The following ACAN variants were observed in gnomAD, a reference collection of about 807,000 sequenced individuals.
ACAN encodes aggrecan core protein.
ACAN carries 47 observed loss-of-function variants against 169.1 expected under a neutral mutation model. That is an observed-to-expected ratio of 0.28 (90% CI 0.22 to 0.35). The LOEUF (loss-of-function observed/expected upper bound fraction) is 0.35. ACAN is among the 10% of genes least tolerant of loss of function. The probability of loss-of-function intolerance (pLI) is 1.00; values close to 1 mark genes in which losing one functional copy is unlikely to be tolerated. For missense variants in ACAN, 2,716 were observed against 2,759.9 expected (o/e 0.98, Z 0.36); for synonymous variants, 1,115 against 1,112.2 (o/e 1.00, Z -0.05).
chr15:88,808,772 G>A (rs1029845908), intron 1 of ACAN, among the ~76,000 whole-genome samples: 1 of 152,198 alleles, frequency 6.6e-6, no homozygotes, highest in Non-Finnish European at 1.5e-5. Flanking sequence ...GAGACACCCT[G>A]CTGCAGACCT....
chr15:88,841,852 G>A lies in ACAN; in HGVS notation c.742G>A (p.Ala248Thr), dbSNP rs564289325. ...CGAGACCTATGATGTGTACTGCTTC[G>A]CCGAGGAGATGGAGGGTGAGCTGCC... is the stretch of plus-strand genomic sequence containing the variant. ...TNETYDVYCF[A>T]EEMEGEVFYA... is the part of the protein sequence containing the mutation. Residue 248 changes from alanine (A) to threonine (T), a missense_variant, in exon 5 of 19, where the codon GCC (alanine) becomes ACC (threonine). Around this residue, in one of 3 missense-constraint regions of ACAN, gnomAD observed 1,283 missense variants for 1,281.5 expected, o/e 1.00. Coordinates refer to ENST00000560601, the MANE Select transcript of ACAN (RefSeq NM_001369268.1). 8.1e-5 allele frequency: 130 copies of A among 1,610,866 alleles called. No individual in the cohort carries two copies. The highest frequency in any genetic ancestry group is 9.4e-5 in the Non-Finnish European group (111 of 1,178,582).
rs1046869543 is a variant in ACAN at position 88,861,077 on chromosome 15, G to A, written c.6946+638G>A. ...AGAGGCTGGGGACCCTCTGATCTGA[G>A]GTGGACCCCGGAAGGAGATGGTTAG... is the stretch of plus-strand genomic sequence containing the variant. On this transcript the variant is annotated intron_variant, in intron 13 of 18. Coordinates refer to ENST00000560601, the MANE Select transcript of ACAN (RefSeq NM_001369268.1). The surrounding 1 kb of genome is among the most constrained non-coding windows in gnomAD (Gnocchi z 6.3). Among the ~76,000 whole-genome samples the A allele has an allele frequency of 2.0e-5, 3 of 152,160 alleles. No individual in the cohort carries two copies. Among genetic ancestry groups the A allele is most frequent in the African/African-American group, 7.2e-5 (3 of 41,430 alleles).
At chr15:88,810,856 T>C (rs1418221102) in intron 1 of ACAN, among the ~76,000 whole-genome samples, 1 of 152,210 alleles carries the variant, frequency 6.6e-6, no homozygotes, top group Admixed American at 6.5e-5. Flanking sequence ...CATTGTGGTC[T>C]AGTTTGTCAA....
Position 88,843,552 on chromosome 15 carries a change from G to C in ACAN, c.955G>C (p.Gly319Arg). The C allele has an allele frequency of 6.2e-7, 1 of 1,612,640 alleles. No homozygotes were observed. The highest frequency in any genetic ancestry group is 8.5e-7 in the Non-Finnish European group (1 of 1,179,618). ...CATCTCCAAGGCCCGGCCCAACTGC[G>C]GTGGCAACCTCCTGGGCGTGAGGAC... ...YPISKARPNC[G>R]GNLLGVRTVY... Residue 319 changes from glycine (G) to arginine (R), a missense_variant, in exon 6 of 19, where the codon GGT (glycine) becomes CGT (arginine). Gly to Arg is a moderately radical substitution (Grantham distance 125). Around this residue, in one of 3 missense-constraint regions of ACAN, gnomAD observed 1,283 missense variants for 1,281.5 expected, o/e 1.00. Transcript: ENST00000560601. The surrounding 1 kb of genome is among the most constrained non-coding windows in gnomAD (Gnocchi z 4.0).
chr15:88,822,009 C>T (rs1478826938), intron 1 of ACAN, among the ~76,000 whole-genome samples: 2 of 152,224 alleles, frequency 1.3e-5, no homozygotes, highest in Non-Finnish European at 2.9e-5. Flanking sequence ...ATTGCCTTCT[C>T]CCAGAAATAA....
chr15:88,826,374 CT>C (rs59069149), intron 1 of ACAN, among the ~76,000 whole-genome samples: 36,194 of 111,452 alleles, frequency 0.32, 3,926 homozygotes, highest in Middle Eastern at 0.42. Flanking sequence ...CCTTTTTTTT[CT>C]TTTTTTTTTT....
rs1896587360 is a variant in ACAN at position 88,839,178 on chromosome 15, C to T, written c.454+132C>T. The T allele has an allele frequency of 8.8e-7, 1 of 1,140,650 alleles. No homozygotes were observed. Among genetic ancestry groups the T allele is most frequent in the African/African-American group, 1.5e-5 (1 of 64,830 alleles). 70.7% of individuals were successfully genotyped at this position (1,140,650 alleles called of 1,614,324 possible). A position where few individuals can be genotyped will look rare whatever the true frequency, so the allele number is the denominator to read the frequency against. Reference sequence around the variant, plus strand: ...GCACCTCAGCCAAGTTACTTAACTTCAGCTGCTTCCTCTGTGACATGGAGC... The same window carrying T: ...GCACCTCAGCCAAGTTACTTAACTTTAGCTGCTTCCTCTGTGACATGGAGC... On this transcript the variant is annotated intron_variant, in intron 3 of 18. Transcript: ENST00000560601. The surrounding 1 kb of genome is among the most constrained non-coding windows in gnomAD (Gnocchi z 4.5).
At chr15:88,821,579 A>G (rs1212899744) in intron 1 of ACAN, among the ~76,000 whole-genome samples, 1 of 152,216 alleles carries the variant, frequency 6.6e-6, no homozygotes, top group African/African-American at 2.4e-5. Context: ...GACAGAGGAA[A>G]GGAAAGAGGA....
rs1895706121 is a variant in ACAN, at chr15:88,807,281, C to T, written c.-8+3472C>T. ...TAAGTAGAGCAGGGGAGGGGACAGG[C>T]CAGCAGCTGCCCTGGGAAAGGGGAT... On this transcript the variant is annotated intron_variant, in intron 1 of 18. Coordinates refer to ENST00000560601, the MANE Select transcript of ACAN (RefSeq NM_001369268.1). The surrounding 1 kb of genome is among the most constrained non-coding windows in gnomAD (Gnocchi z 4.0). Among the ~76,000 whole-genome samples the T allele has an allele frequency of 6.6e-6, 1 of 152,164 alleles. No homozygotes were observed. The highest frequency in any genetic ancestry group is 2.1e-4 in the South Asian group (1 of 4,818).
chr15:88,862,502 C>G (rs1897214586), intron 13 of ACAN, among the ~76,000 whole-genome samples: 1 of 152,206 alleles, frequency 6.6e-6, no homozygotes, highest in African/African-American at 2.4e-5. Flanking sequence ...GCTTTAGCAT[C>G]TCCAAAGAGT....
At chr15:88,818,728 A>C (rs1896002531) in intron 1 of ACAN, among the ~76,000 whole-genome samples, 1 of 152,174 alleles carries the variant, frequency 6.6e-6, no homozygotes, top group Non-Finnish European at 1.5e-5. Flanking sequence ...AAGATTTTCA[A>C]GGGGAATTTT....
chr15:88,858,288 A>G lies in ACAN; in HGVS notation c.5703A>G (p.Ile1901Met). 4 of 1,613,984 alleles carry G rather than the reference A, an allele frequency of 2.5e-6. No homozygotes were observed. The highest frequency in any genetic ancestry group is 3.4e-6 in the Non-Finnish European group (4 of 1,179,900). The stretch of plus-strand genomic sequence containing the variant: ...AATTCAGTGGCCTACCAAGTGGCAT[A>G]GCTGAGGTCAGTGGAGAATCCTCCA... ...TPEFSGLPSG[I>M]AEVSGESSRA... The change falls in exon 12 of 19, where the codon ATA (isoleucine) becomes ATG (methionine). Residue 1901 changes from isoleucine to methionine, a missense_variant. By Grantham distance (10) the Ile-to-Met change is conservative. This residue lies in a region of ACAN where 1,389 missense variants were observed against 1,363.7 expected (regional missense o/e 1.02). Coordinates refer to ENST00000560601, the MANE Select transcript of ACAN (RefSeq NM_001369268.1). This position sits in a 1 kb window ranked among gnomAD's most constrained non-coding sequence, Gnocchi z 4.0.
intron 1 of ACAN, among the ~76,000 whole-genome samples, chr15:88,833,218 C>T (rs1896409519): frequency 6.6e-6 from 1 of 152,176 alleles, no homozygotes; most frequent in South Asian, 2.1e-4. Flanking sequence ...CACGCATGCT[C>T]ACACAGACAC....
At chr15:88,833,719 A>C (rs1896423725) in intron 1 of ACAN, among the ~76,000 whole-genome samples, 1 of 109,338 alleles carries the variant, frequency 9.1e-6, no homozygotes, top group Non-Finnish European at 1.7e-5. Context: ...CTCCACCCCT[A>C]TCCCCCTACC....
rs1896587632 is a variant in ACAN, at chr15:88,839,184, C to T, written c.454+138C>T. 3 of 1,106,928 alleles carry T rather than the reference C, an allele frequency of 2.7e-6. No homozygotes were observed. Among genetic ancestry groups the T allele is most frequent in the African/African-American group, 3.1e-5 (2 of 64,104 alleles). The allele number at this position is 1,106,928 out of a possible 1,614,324, so 68.6% of individuals were successfully genotyped here. A position where few individuals can be genotyped will look rare whatever the true frequency, so the allele number is the denominator to read the frequency against. On this transcript the variant is annotated intron_variant, in intron 3 of 18. Coordinates refer to ENST00000560601, the MANE Select transcript of ACAN (RefSeq NM_001369268.1). This position sits in a 1 kb window ranked among gnomAD's most constrained non-coding sequence, Gnocchi z 4.5. ...CAGCCAAGTTACTTAACTTCAGCTGCTTCCTCTGTGACATGGAGCTGGTAA... is the reference window on the plus strand; with the variant it reads ...CAGCCAAGTTACTTAACTTCAGCTGTTTCCTCTGTGACATGGAGCTGGTAA...
chr15:88,847,315 T>A lies in ACAN; in HGVS notation c.1502T>A (p.Leu501Gln), dbSNP rs1018758817. ...TTTGAGGAGGCACAGCAGGCCTGCC[T>A]GCGCACGGGGGCGGTCATTGCCTCG... ...LTFEEAQQAC[L>Q]RTGAVIASPE... The change falls in exon 8 of 19, where the codon CTG becomes CAG. Residue 501 changes from leucine to glutamine, a missense_variant. Leu to Gln is a moderately radical substitution (Grantham distance 113). This residue lies in a region of ACAN where 1,283 missense variants were observed against 1,281.5 expected (regional missense o/e 1.00). Transcript: ENST00000560601. The A allele has an allele frequency of 4.4e-6, 7 of 1,576,686 alleles. No individual in the cohort carries two copies. Among genetic ancestry groups the A allele is most frequent in the Non-Finnish European group, 6.0e-6 (7 of 1,162,482 alleles).
In ACAN at chr15:88,855,445, C is replaced by A. The variant is rs569930044; in HGVS notation, c.2860C>A (p.Leu954Ile). The A allele has an allele frequency of 1.2e-6, 2 of 1,613,716 alleles. No individual in the cohort carries two copies. The highest frequency in any genetic ancestry group is 1.7e-5 in the Admixed American group (1 of 60,002). Residue 954 changes from leucine to isoleucine, a missense_variant, in exon 12 of 19, where the codon CTC becomes ATC. This residue lies in a region of ACAN where 1,283 missense variants were observed against 1,281.5 expected (regional missense o/e 1.00). Coordinates refer to ENST00000560601, the MANE Select transcript of ACAN (RefSeq NM_001369268.1). ...LEGSASGVGD[L>I]SGLPSGEVLE... ...GGGCTCTGCCTCTGGAGTTGGGGAT[C>A]TCAGTGGACTTCCTTCTGGAGAAGT... is the stretch of plus-strand genomic sequence containing the variant.
rs762824937 is a variant in ACAN at position 88,848,014 on chromosome 15, T to C, written c.1708T>C (p.Tyr570His). ...CCCATCAACAGAGACCTACGATGTC[T>C]ACTGCTTTGTAGACAGACTTGAGGG... ...VRPSTETYDV[Y>H]CFVDRLEGEV... The change falls in exon 9 of 19, where the codon TAC (tyrosine) becomes CAC (histidine). Residue 570 changes from tyrosine to histidine, a missense_variant. Tyr to His is a moderately conservative substitution (Grantham distance 83). Around this residue, in one of 3 missense-constraint regions of ACAN, gnomAD observed 1,283 missense variants for 1,281.5 expected, o/e 1.00. Transcript: ENST00000560601. The C allele has an allele frequency of 2.2e-5, 36 of 1,613,800 alleles. No individual in the cohort carries two copies. The highest frequency in any genetic ancestry group is 1.6e-4 in the Middle Eastern group (1 of 6,084).
intron 1 of ACAN, among the ~76,000 whole-genome samples, chr15:88,830,008 C>G (rs577066538): frequency 6.6e-6 from 1 of 152,246 alleles, no homozygotes; most frequent in South Asian, 2.1e-4. Flanking sequence ...CAACCCAGGG[C>G]CAAGGCCTGG....
Sources: gnomAD v4.1 joint callset for allele counts (sites outside exome capture counted in the v4.1 genomes callset) on GRCh38, gnomAD v4.1.1 for gene constraint, gnomAD v4.1.1 regional missense constraint, Gnocchi (gnomAD v3.1) non-coding constraint, MANE v1.5 for transcripts, NCBI Gene and HGNC (gene_info 2026-07-23, HGNC 2026-07-21) for gene names.